The following PRKAG2 variants were observed in gnomAD, a reference collection of about 807,000 sequenced individuals.
The protein encoded by PRKAG2 is 5'-AMP-activated protein kinase subunit gamma-2.
A neutral mutation model predicts 69.6 loss-of-function variants in PRKAG2; 26 were observed. The ratio of observed to expected loss-of-function variants is 0.37; its 90% CI spans 0.27 to 0.52. The LOEUF (loss-of-function observed/expected upper bound fraction) is 0.52, where lower values mean the gene tolerates loss of function less well. PRKAG2 is among the 20% of genes least tolerant of loss of function. The probability of loss-of-function intolerance (pLI) is 0.90; values close to 1 mark genes in which losing one functional copy is unlikely to be tolerated. For missense variants in PRKAG2, 557 were observed against 740.0 expected (o/e 0.75, Z 2.87); for synonymous variants, 293 against 285.0 (o/e 1.03, Z -0.28).
rs144184988 is a variant in PRKAG2, at chr7:151,838,013, C to T, written c.114+38494G>A. ...CCTGGAGGAGGCCACACCTGGGCCT[C>T]GGGAACGCGCACAGGACCCCGGAGG... On this transcript the variant is annotated intron_variant, in intron 1 of 15. Transcript: ENST00000287878. Among the ~76,000 whole-genome samples the T allele has an allele frequency of 1.5e-3, 225 of 151,766 alleles. 4 individuals carry two copies. In the East Asian group the frequency reaches 0.034, roughly 23 times the overall value.
At position 151,749,786 on chromosome 7, in the gene PRKAG2, GA is replaced by G. The variant is rs34229915; in HGVS notation, c.466+31365del. Among the ~76,000 whole-genome samples the G allele has an allele frequency of 5.4e-3, 669 of 124,814 alleles. 2 individuals carry two copies. Among genetic ancestry groups the G allele is most frequent in the African/African-American group, 0.015 (493 of 32,626 alleles). 81.9% of individuals were successfully genotyped at this position (124,814 alleles called of 152,430 possible). A position where few individuals can be genotyped will look rare whatever the true frequency, so the allele number is the denominator to read the frequency against. On this transcript the variant is annotated intron_variant, in intron 3 of 15. Coordinates refer to ENST00000287878, the MANE Select transcript of PRKAG2 (RefSeq NM_016203.4). ...TCACATCCTCTAGGACAACCACACT[GA>G]AAAAAAAAAAAAAAAGGAAAAGAAC...
chr7:151,671,818 G>T (rs1000597775), intron 4 of PRKAG2, among the ~76,000 whole-genome samples: 1 of 152,244 alleles, frequency 6.6e-6, no homozygotes, highest in Non-Finnish European at 1.5e-5. Context: ...TACAAGTGGG[G>T]TGAGGGGCTT....
At chr7:151,610,537 C>T (rs1316592584) in intron 5 of PRKAG2, among the ~76,000 whole-genome samples, 2 of 151,538 alleles carry the variant, frequency 1.3e-5, no homozygotes, top group Non-Finnish European at 1.5e-5. Context: ...ATTAGCTGGG[C>T]GTGGTGGTGC....
intron 5 of PRKAG2, among the ~76,000 whole-genome samples, chr7:151,622,236 T>A (rs868208151): frequency 3.3e-5 from 5 of 152,350 alleles, no homozygotes; most frequent in Admixed American, 2.6e-4. Flanking sequence ...TTTGAGACTC[T>A]GACAAAAGGC....
intron 1 of PRKAG2, among the ~76,000 whole-genome samples, chr7:151,874,184 A>G (rs1238664809): frequency 1.6e-5 from 2 of 125,012 alleles, no homozygotes; most frequent in Non-Finnish European, 3.2e-5. Context: ...GTATATGTAT[A>G]TGTATATGTA....
chr7:151,625,833 G>A (rs1236213883), intron 5 of PRKAG2, among the ~76,000 whole-genome samples: 3 of 152,226 alleles, frequency 2.0e-5, no homozygotes, highest in Admixed American at 6.5e-5. Context: ...AATCTGAGCC[G>A]TGGAGGAGGG....
In PRKAG2 at chr7:151,632,143, G is replaced by T. The variant is rs779931367; in HGVS notation, c.685-5C>A. On this transcript the variant is annotated splice_region_variant and splice_polypyrimidine_tract_variant and intron_variant, in intron 4 of 15. Coordinates refer to ENST00000287878, the MANE Select transcript of PRKAG2 (RefSeq NM_016203.4). The surrounding 1 kb of genome is among the most constrained non-coding windows in gnomAD (Gnocchi z 4.2). ...CAGGGCCGCCGCCAGCGCCGCCTGA[G>T]GGGGAGGAGGAGGACAGCGATCAGC... is the stretch of plus-strand genomic sequence containing the variant. 21 of 1,394,508 alleles carry T rather than the reference G, an allele frequency of 1.5e-5. No homozygotes were observed. The highest frequency in any genetic ancestry group is 4.5e-5 in the African/African-American group (3 of 67,060). 86.4% of individuals were successfully genotyped at this position (1,394,508 alleles called of 1,614,324 possible). A position where few individuals can be genotyped will look rare whatever the true frequency, so the allele number is the denominator to read the frequency against.
chr7:151,741,674 CAAAA>C (rs33969514), intron 3 of PRKAG2, among the ~76,000 whole-genome samples: 25 of 126,610 alleles, frequency 2.0e-4, no homozygotes, highest in Admixed American at 2.4e-4. Flanking sequence ...AACTCTGTCT[CAAAA>C]AAAAAAAAAA....
At chr7:151,722,300 G>A (rs1797239466) in intron 3 of PRKAG2, among the ~76,000 whole-genome samples, 1 of 152,164 alleles carries the variant, frequency 6.6e-6, no homozygotes, top group South Asian at 2.1e-4. Context: ...GTTCAGGGGA[G>A]CGTTAGTTCG....
At position 151,876,553 on chromosome 7, in the gene PRKAG2, T is replaced by C. The variant is rs1280299073; in HGVS notation, c.68A>G (p.Lys23Arg). Residue 23 changes from lysine to arginine, a missense_variant, in exon 1 of 16, where the codon AAG becomes AGG. Lys to Arg is a conservative substitution (Grantham distance 26, BLOSUM62 2). Around this residue, in one of 2 missense-constraint regions of PRKAG2, gnomAD observed 352 missense variants for 356.7 expected, o/e 0.99. Transcript: ENST00000287878. ...DVSSPGGSGG[K>R]KNASQKRRSL... ...ACGCCTCTTCTGGCTGGCATTTTTC[T>C]TGCCGCCGCTCCCGCCGGGGCTGGA... The C allele has an allele frequency of 6.2e-7, 1 of 1,609,542 alleles. No individual in the cohort carries two copies. The highest frequency in any genetic ancestry group is 2.2e-5 in the East Asian group (1 of 44,834).
chr7:151,698,206 C>T (rs1234695887), intron 3 of PRKAG2, among the ~76,000 whole-genome samples: 6 of 152,184 alleles, frequency 3.9e-5, no homozygotes, highest in Non-Finnish European at 7.4e-5. Flanking sequence ...GTTTGGTCCC[C>T]ACAGGGCCAC....
At position 151,643,281 on chromosome 7, in the gene PRKAG2, T is replaced by C. The variant is rs1827051248; in HGVS notation, c.685-11143A>G. Among the ~76,000 whole-genome samples, 3 of 152,358 alleles carry C rather than the reference T, an allele frequency of 2.0e-5. No homozygotes were observed. The South Asian group carries it at 6.2e-4, about 32-fold the overall frequency. On this transcript the variant is annotated intron_variant, in intron 4 of 15. Transcript: ENST00000287878. ...CCAAGTTCATCTAACCTTTCAATTC[T>C]TAATGCAGCCAAGTCACAAACTTTG...
Position 151,632,245 on chromosome 7 carries a change from G to A in PRKAG2, c.685-107C>T. The stretch of plus-strand genomic sequence containing the variant: ...TGGGGCCTGGCTCTGCCGCGCCGCC[G>A]GGAGGAGGGGCCTGGCAGGGGACGC... On this transcript the variant is annotated intron_variant, in intron 4 of 15. Coordinates refer to ENST00000287878, the MANE Select transcript of PRKAG2 (RefSeq NM_016203.4). The surrounding 1 kb of genome is among the most constrained non-coding windows in gnomAD (Gnocchi z 4.2). 2 of 1,073,548 alleles carry A rather than the reference G, an allele frequency of 1.9e-6. No individual in the cohort carries two copies. The highest frequency in any genetic ancestry group is 2.3e-6 in the Non-Finnish European group (2 of 887,170). 66.5% of individuals were successfully genotyped at this position (1,073,548 alleles called of 1,614,324 possible).
chr7:151,763,255 G>A (rs183091246), intron 3 of PRKAG2, among the ~76,000 whole-genome samples: 8 of 152,358 alleles, frequency 5.3e-5, no homozygotes, highest in Admixed American at 3.9e-4. Flanking sequence ...CAGGTCTCAC[G>A]CTAAGGCGGG....
intron 1 of PRKAG2, among the ~76,000 whole-genome samples, chr7:151,844,273 T>C (rs2151889716): frequency 6.6e-6 from 1 of 152,318 alleles, no homozygotes; most frequent in Admixed American, 6.5e-5. Context: ...TGTACTCTTC[T>C]GTAAAATGGG....
In PRKAG2 at chr7:151,605,236, C is replaced by CA. The variant is rs556233732; in HGVS notation, c.755-9783dup. 5.9e-3 allele frequency among the ~76,000 whole-genome samples: 886 copies of CA among 151,414 alleles called. 9 individuals carry two copies. Among genetic ancestry groups the CA allele is most frequent in the African/African-American group, 0.02 (825 of 41,330 alleles). ...TTCACCATGTTGGCCAGGCTGGTCT[C>CA]AAACTCCTGACCTCAAGTGATCTGC... On this transcript the variant is annotated intron_variant, in intron 5 of 15. Transcript: ENST00000287878.
chr7:151,838,961 G>A (rs1227353385), intron 1 of PRKAG2, among the ~76,000 whole-genome samples: 1 of 150,582 alleles, frequency 6.6e-6, no homozygotes, highest in African/African-American at 2.5e-5. Flanking sequence ...GTTGTAGTGT[G>A]CAGAGACTGA....
At chr7:151,751,827 A>C (rs981985630) in intron 3 of PRKAG2, among the ~76,000 whole-genome samples, 1 of 152,124 alleles carries the variant, frequency 6.6e-6, no homozygotes, top group Non-Finnish European at 1.5e-5. Flanking sequence ...ACTCTCTTCT[A>C]TGTGGGTGTT....
rs76527366 is a variant in PRKAG2 at position 151,757,022 on chromosome 7, C to A, written c.466+24130G>T. On this transcript the variant is annotated intron_variant, in intron 3 of 15. Coordinates refer to ENST00000287878, the MANE Select transcript of PRKAG2 (RefSeq NM_016203.4). ...AGTCCTAAAATTACTCGAGTCTGACCCCCCGGTTTTTGGTCTTGCTCTATA... is the reference window on the plus strand; with the variant it reads ...AGTCCTAAAATTACTCGAGTCTGACACCCCGGTTTTTGGTCTTGCTCTATA... 3.7e-3 allele frequency among the ~76,000 whole-genome samples: 560 copies of A among 152,158 alleles called. 9 individuals carry two copies. In the East Asian group the frequency reaches 0.039, roughly 10 times the overall value.
Sources: allele counts gnomAD v4.1 joint callset (sites outside exome capture counted in the v4.1 genomes callset), GRCh38; gene constraint gnomAD v4.1.1; regional missense constraint gnomAD v4.1.1; non-coding constraint Gnocchi (gnomAD v3.1); transcripts MANE v1.5; gene names NCBI Gene and HGNC (gene_info 2026-07-23, HGNC 2026-07-21).